SKIC8: variants seen among roughly 807,000 people sequenced by gnomAD.
SKIC8 encodes the protein superkiller complex protein 8.
the SKIC8 span, chr15:78,288,317 C>G: frequency 6.2e-7 from 1 of 1,613,970 alleles, no homozygotes; most frequent in Non-Finnish European, 8.5e-7. Context: ...TAGCCATCAT[C>G]TGAAGCAGTG....
the SKIC8 span, chr15:78,288,190 G>T: frequency 7.8e-7 from 1 of 1,277,160 alleles, no homozygotes; most frequent in Non-Finnish European, 1.1e-6. Flanking sequence ...TGTGACTTGA[G>T]CACAGGTCTT....
chr15:78,293,357 C>T, the SKIC8 span: 1 of 1,271,896 alleles, frequency 7.9e-7, no homozygotes, highest in Non-Finnish European at 1.1e-6. Flanking sequence ...TGTGAGGTAA[C>T]ATTTATTTGT....
At chr15:78,295,204 A>C in the SKIC8 span, 16 of 577,852 alleles carry the variant, frequency 2.8e-5, no homozygotes, top group Admixed American at 1.3e-4. Flanking sequence ...CCTTCCTACT[A>C]CCCAAACTCA....
the SKIC8 span, chr15:78,295,782 C>T: frequency 7.1e-7 from 1 of 1,407,938 alleles, no homozygotes; most frequent in South Asian, 1.5e-5. Context: ...AGAAGGCACA[C>T]AGGAAGTTCC....
the SKIC8 span, chr15:78,292,308 T>C: frequency 3.5e-6 from 1 of 286,664 alleles, no homozygotes; most frequent in Admixed American, 4.9e-5. Flanking sequence ...ACTACAAGCT[T>C]TTTCTACAGG....
chr15:78,295,812 G>A, the SKIC8 span: 4 of 1,141,944 alleles, frequency 3.5e-6, no homozygotes, highest in Non-Finnish European at 4.9e-6. Flanking sequence ...AGAAAATAAG[G>A]CAACTCTTTA....
chr15:78,285,406 T>C, the SKIC8 span: 1 of 1,412,336 alleles, frequency 7.1e-7, no homozygotes, highest in Non-Finnish European at 1.0e-6. Context: ...AATCCTTTGA[T>C]GACTTACATT....
chr15:78,295,110 C>A, the SKIC8 span: 1 of 962,472 alleles, frequency 1.0e-6, no homozygotes, highest in East Asian at 2.5e-5. Flanking sequence ...CCTGGCCATC[C>A]CGCAAGCTCC....
the SKIC8 span, chr15:78,294,781 G>A: frequency 3.4e-6 from 2 of 587,146 alleles, no homozygotes; most frequent in Non-Finnish European, 2.9e-6. Flanking sequence ...TGTTGTTGTT[G>A]TTGTTGTTGT....
At chr15:78,295,849 A>G in the SKIC8 span, 1 of 753,608 alleles carries the variant, frequency 1.3e-6, no homozygotes, top group Non-Finnish European at 2.1e-6. Flanking sequence ...ACACCCTTCT[A>G]TGGATCAGTC....
chr15:78,283,813 T>G, the SKIC8 span: 1 of 214,698 alleles, frequency 4.7e-6, no homozygotes, highest in Non-Finnish European at 9.1e-6. Context: ...AATCCTGAAG[T>G]GTAACCTAAT....
At chr15:78,283,562 TC>T in the SKIC8 span, 1 of 1,424,042 alleles carries the variant, frequency 7.0e-7, no homozygotes. Flanking sequence ...ATGCCTTTAT[TC>T]TTTATAATAT....
At chr15:78,290,131 T>A in the SKIC8 span, 5 of 1,589,200 alleles carry the variant, frequency 3.1e-6, no homozygotes, top group Non-Finnish European at 2.6e-6. Context: ...AAAAATACAG[T>A]GTGAAAAGAC....
chr15:78,285,753 A>G, the SKIC8 span: 1 of 437,458 alleles, frequency 2.3e-6, no homozygotes, highest in Non-Finnish European at 4.1e-6. Flanking sequence ...AAACATTTAC[A>G]TATTTTAAGT....
chr15:78,293,017 TG>T, the SKIC8 span: 1 of 828,132 alleles, frequency 1.2e-6, no homozygotes, highest in Non-Finnish European at 1.9e-6. Flanking sequence ...GGAAAACAAG[TG>T]GGAAAAATAA....
the SKIC8 span, chr15:78,294,776 T>C: frequency 5.0e-6 from 3 of 598,068 alleles, no homozygotes; most frequent in Non-Finnish European, 5.7e-6. Flanking sequence ...GTTTTTGTTG[T>C]TGTTGTTGTT....
chr15:78,294,679 G>A, the SKIC8 span: 6 of 415,406 alleles, frequency 1.4e-5, no homozygotes, highest in East Asian at 4.0e-5. Flanking sequence ...GCTCCATCAT[G>A]TCTTCCTCAG....
chr15:78,294,903 G>T, the SKIC8 span: 2 of 1,613,322 alleles, frequency 1.2e-6, no homozygotes, highest in African/African-American at 1.3e-5. Flanking sequence ...GGACAACACA[G>T]TTTTTTTCAC....
the SKIC8 span, among the ~76,000 whole-genome samples, chr15:78,287,802 C>T: frequency 6.6e-6 from 1 of 152,126 alleles, no homozygotes; most frequent in Non-Finnish European, 1.5e-5. Flanking sequence ...CTTCTATACT[C>T]GCAGTCAAGG....
Sources: gnomAD v4.1 joint callset for allele counts (sites outside exome capture counted in the v4.1 genomes callset) on GRCh38, gnomAD v4.1.1 for gene constraint, MANE v1.5 for transcripts, NCBI Gene and HGNC (gene_info 2026-07-23, HGNC 2026-07-21) for gene names.